MYO16: variants seen among roughly 807,000 people sequenced by gnomAD.
MYO16 encodes the protein unconventional myosin-XVI.
Under a neutral mutation model 205.3 loss-of-function variants are expected in MYO16, and 94 were observed. That is an observed-to-expected ratio of 0.46 (90% CI 0.39 to 0.54). MYO16 has a LOEUF of 0.54. Among genes scored for constraint, MYO16 ranks in the 20% least tolerant of loss-of-function variants. MYO16 has a pLI of 0.00. For synonymous variants in MYO16, 988 were observed against 954.0 expected, an observed-to-expected ratio of 1.04 and a Z score of -0.66; for missense variants, 2,315 against 2,387.5, an observed-to-expected ratio of 0.97 and a Z score of 0.63.
At chr13:108,526,000 G>A in the MYO16 span, among the ~76,000 whole-genome samples, 5 of 150,978 alleles carry the variant, frequency 3.3e-5, no homozygotes, top group Admixed American at 1.3e-4. Flanking sequence ...ACCAGCTGGT[G>A]AATGCAGAAT....
At chr13:108,630,630 T>C (rs1879939039) in intron 1 of MYO16, among the ~76,000 whole-genome samples, 1 of 152,240 alleles carries the variant, frequency 6.6e-6, no homozygotes, top group African/African-American at 2.4e-5. Context: ...GCAGCACTTC[T>C]GAAAACTTCT....
intron 16 of MYO16, among the ~76,000 whole-genome samples, chr13:108,930,330 A>C (rs1882200230): frequency 6.6e-6 from 1 of 151,366 alleles, no homozygotes; most frequent in Non-Finnish European, 1.5e-5. Context: ...TTTTTTAATT[A>C]AAAAATCCAG....
At chr13:108,939,261 G>T (rs746471117) in intron 16 of MYO16, among the ~76,000 whole-genome samples, 2 of 152,148 alleles carry the variant, frequency 1.3e-5, no homozygotes, top group African/African-American at 2.4e-5. Context: ...AAGCCTCTCC[G>T]CCAGGTAACT....
intron 28 of MYO16, among the ~76,000 whole-genome samples, chr13:109,109,032 C>T (rs945523164): frequency 6.6e-6 from 1 of 152,098 alleles, no homozygotes. Flanking sequence ...GAATTGAGTT[C>T]TGGGGAGGCA....
intron 1 of MYO16, among the ~76,000 whole-genome samples, chr13:108,661,738 C>A (rs1157630345): frequency 6.6e-6 from 1 of 152,072 alleles, no homozygotes; most frequent in Non-Finnish European, 1.5e-5. Context: ...TTTCTCTGGT[C>A]TCTCCCTGAT....
At chr13:109,163,925 A>C (rs965620652) in intron 32 of MYO16, 4 of 152,352 alleles carry the variant, frequency 2.6e-5, no homozygotes, top group Admixed American at 6.5e-5. Flanking sequence ...ATAATTTATT[A>C]GTCTAAATCT....
At chr13:108,723,184 C>G (rs974825107) in intron 3 of MYO16, among the ~76,000 whole-genome samples, 1 of 151,832 alleles carries the variant, frequency 6.6e-6, no homozygotes, top group South Asian at 2.1e-4. Context: ...AAATATTTTG[C>G]CTTATCTTTG....
intron 29 of MYO16, among the ~76,000 whole-genome samples, chr13:109,120,733 A>G (rs936886212): frequency 2.0e-5 from 3 of 152,176 alleles, no homozygotes; most frequent in African/African-American, 7.2e-5. Context: ...TCATTTGGAT[A>G]TGCCCCTATG....
intron 1 of MYO16, among the ~76,000 whole-genome samples, chr13:108,621,107 T>G (rs892262057): frequency 2.6e-5 from 4 of 152,218 alleles, no homozygotes; most frequent in African/African-American, 9.6e-5. Flanking sequence ...TCCTCTGGTG[T>G]GTGCTAGGCA....
chr13:109,026,535 C>T (rs1229535427), intron 23 of MYO16, among the ~76,000 whole-genome samples: 1 of 152,048 alleles, frequency 6.6e-6, no homozygotes, highest in Non-Finnish European at 1.5e-5. Context: ...TTTGAGCCAC[C>T]TAACTTGTTA....
intron 4 of MYO16, among the ~76,000 whole-genome samples, chr13:108,740,338 A>G (rs193269426): frequency 4.1e-4 from 63 of 152,194 alleles, no homozygotes; most frequent in African/African-American, 1.5e-3. Context: ...TCTGTTTGCT[A>G]GTTTTCCTTC....
intron 24 of MYO16, among the ~76,000 whole-genome samples, chr13:109,047,456 A>ATG (rs1887084502): frequency 6.6e-6 from 1 of 152,148 alleles, no homozygotes; most frequent in Non-Finnish European, 1.5e-5. Context: ...AGGAGTATAT[A>ATG]TATGTATACA....
At chr13:109,152,673 G>A (rs545178533) in intron 32 of MYO16, among the ~76,000 whole-genome samples, 10 of 152,176 alleles carry the variant, frequency 6.6e-5, no homozygotes, top group East Asian at 5.8e-4. Context: ...GCATGTCTTC[G>A]GAACCCTCTG....
At chr13:109,096,783 T>TGTAA (rs1463664834) in intron 27 of MYO16, among the ~76,000 whole-genome samples, 1 of 152,216 alleles carries the variant, frequency 6.6e-6, no homozygotes, top group Non-Finnish European at 1.5e-5. Context: ...GGTCAGAGTT[T>TGTAA]GTAACACAGA....
Position 109,052,243 on chromosome 13 carries a change from C to T in MYO16, c.2873-57C>T, listed in dbSNP as rs1300103439. On this transcript the variant is annotated intron_variant, in intron 24 of 34. Coordinates refer to ENST00000457511, the MANE Select transcript of MYO16 (RefSeq NM_001198950.3). Reference sequence around the variant, plus strand: ...AGAGCTCTTGTATGAAGAATAAGTTCAATGCTTAAGTAATAATTTTAGTGC... The same window carrying T: ...AGAGCTCTTGTATGAAGAATAAGTTTAATGCTTAAGTAATAATTTTAGTGC... 7 of 1,459,016 alleles carry T rather than the reference C, an allele frequency of 4.8e-6. No individual in the cohort carries two copies. In the South Asian group the frequency reaches 8.0e-5, roughly 17 times the overall value. 90.4% of individuals were successfully genotyped at this position (1,459,016 alleles called of 1,614,324 possible).
At chr13:108,504,867 T>C in the MYO16 span, among the ~76,000 whole-genome samples, 4 of 152,318 alleles carry the variant, frequency 2.6e-5, no homozygotes, top group East Asian at 7.7e-4. Flanking sequence ...TTTCTATGAG[T>C]TGACTCTTCT....
At chr13:108,881,381 T>G (rs1240379119) in intron 12 of MYO16, among the ~76,000 whole-genome samples, 2 of 152,096 alleles carry the variant, frequency 1.3e-5, no homozygotes, top group Non-Finnish European at 2.9e-5. Context: ...TCAGAGCGCT[T>G]CTTCTCTTCC....
chr13:108,997,401 AG>A lies in MYO16; in HGVS notation c.2442+4954del, dbSNP rs1885061845. Among the ~76,000 whole-genome samples the A allele has an allele frequency of 3.6e-3, 150 of 41,280 alleles. 1 individual carries two copies. Among genetic ancestry groups the A allele is most frequent in the Non-Finnish European group, 4.5e-3 (84 of 18,792 alleles). The allele number at this position is 41,280 out of a possible 152,430, so 27.1% of individuals were successfully genotyped here. A position where few individuals can be genotyped will look rare whatever the true frequency, so the allele number is the denominator to read the frequency against. ...GAGAGAGAGAGAGAGGGAGGGAGGG[AG>A]AGTGGGAGGAAAGGAAAGGAAAGGA... is the stretch of plus-strand genomic sequence containing the variant. On this transcript the variant is annotated intron_variant, in intron 21 of 34. Transcript: ENST00000457511.
chr13:108,853,418 T>C lies in MYO16; in HGVS notation c.1249-2025T>C, dbSNP rs572740143. Reference sequence around the variant, plus strand: ...GCTATGCCCCTAACCCAACATTAAATAACTAATTTTAGGAAAACTATATTA... The same window carrying C: ...GCTATGCCCCTAACCCAACATTAAACAACTAATTTTAGGAAAACTATATTA... On this transcript the variant is annotated intron_variant, in intron 10 of 34. Transcript: ENST00000457511. Among the ~76,000 whole-genome samples, 5 of 152,296 alleles carry C rather than the reference T, an allele frequency of 3.3e-5. No individual in the cohort carries two copies. In the East Asian group the frequency reaches 5.8e-4, roughly 18 times the overall value.
Sources: allele counts gnomAD v4.1 joint callset (sites outside exome capture counted in the v4.1 genomes callset), GRCh38; gene constraint gnomAD v4.1.1; transcripts MANE v1.5; gene names NCBI Gene and HGNC (gene_info 2026-07-23, HGNC 2026-07-21).